The following TDRD7 variants were observed in gnomAD, a reference collection of about 807,000 sequenced individuals.
TDRD7 encodes the protein tudor domain-containing protein 7.
Under a neutral mutation model 109.8 loss-of-function variants are expected in TDRD7, and 47 were observed. The ratio of observed to expected loss-of-function variants is 0.43; its 90% CI spans 0.34 to 0.55. The LOEUF (loss-of-function observed/expected upper bound fraction) is 0.55. TDRD7 is among the 20% of genes least tolerant of loss of function. The pLI is 0.03. For missense variants in TDRD7, 1,164 were observed against 1,319.2 expected, an observed-to-expected ratio of 0.88 and a Z score of 1.82; for synonymous variants, 424 against 457.3, an observed-to-expected ratio of 0.93 and a Z score of 0.93.
chr9:97,457,149 A>G (rs964497105), intron 6 of TDRD7, among the ~76,000 whole-genome samples: 2 of 152,198 alleles, frequency 1.3e-5, no homozygotes, highest in African/African-American at 2.4e-5. Context: ...CAGAATGGCA[A>G]TTATTAAAAA....
intron 16 of TDRD7, among the ~76,000 whole-genome samples, chr9:97,490,310 G>C (rs933773246): frequency 7.9e-5 from 12 of 151,978 alleles, no homozygotes; most frequent in African/African-American, 2.7e-4. Context: ...CTTTACTTTT[G>C]AAGGATAATT....
Position 97,460,621 on chromosome 9 carries a change from G to A in TDRD7, c.1299G>A (p.Glu433=), listed in dbSNP as rs376371748. ...ATATCAAGGCTATGGTTGAACAAGA[G>A]TATTTGCAGGTAGAAGAAAGCATTG... ...DNDIKAMVEQ[E]YLQVEESIAE... is the part of the protein sequence containing the mutation. The change falls in exon 7 of 17, where the codon GAG becomes GAA. Residue 433 remains glutamate, a synonymous_variant. Transcript: ENST00000355295. The A allele has an allele frequency of 1.9e-5, 31 of 1,614,188 alleles. No individual in the cohort carries two copies. Among genetic ancestry groups the A allele is most frequent in the Middle Eastern group, 1.6e-4 (1 of 6,062 alleles).
In TDRD7 at chr9:97,482,861, G is replaced by A. The variant is rs777233715; in HGVS notation, c.2425G>A (p.Asp809Asn). Reference sequence around the variant, plus strand: ...GTGTTTTCCAAAGGTTACAAAAGTGGATGAAACCAGAGGGATCGCACATGT... The same window carrying A: ...GTGTTTTCCAAAGGTTACAAAAGTGAATGAAACCAGAGGGATCGCACATGT... ...SDCSIKVTKVDETRGIAHVYL... is the reference protein window; with the variant it reads ...SDCSIKVTKVNETRGIAHVYL... The change falls in exon 15 of 17, where the codon GAT becomes AAT. Residue 809 changes from aspartate (D) to asparagine (N), a missense_variant. Around this residue, in one of 5 missense-constraint regions of TDRD7, gnomAD observed 233 missense variants for 218.0 expected, o/e 1.07. Transcript: ENST00000355295. 4.3e-6 allele frequency: 7 copies of A among 1,614,012 alleles called. No individual in the cohort carries two copies. Among genetic ancestry groups the A allele is most frequent in the Admixed American group, 1.7e-5 (1 of 60,004 alleles).
At chr9:97,454,149 A>C (rs1828558894) in intron 6 of TDRD7, among the ~76,000 whole-genome samples, 1 of 152,220 alleles carries the variant, frequency 6.6e-6, no homozygotes, top group African/African-American at 2.4e-5. Context: ...TTTGGAAGTA[A>C]AATGCTCCTC....
intron 4 of TDRD7, among the ~76,000 whole-genome samples, chr9:97,434,515 G>C (rs1323647397): frequency 1.3e-5 from 2 of 152,148 alleles, no homozygotes; most frequent in Non-Finnish European, 2.9e-5. Context: ...AAATAAGCAT[G>C]TGAAGTAATG....
chr9:97,439,288 C>A lies in TDRD7; in HGVS notation c.607C>A (p.Leu203Ile). Reference sequence around the variant, plus strand: ...CCTTCAACCACCTTTGCAGATGCATCTCTCAAGAACCTCTACTAAGGAAAT... The same window carrying A: ...CCTTCAACCACCTTTGCAGATGCATATCTCAAGAACCTCTACTAAGGAAAT... Reference protein sequence around the residue: ...ASLQPPLQMHLSRTSTKEMSD... With the variant: ...ASLQPPLQMHISRTSTKEMSD... Residue 203 changes from leucine (L) to isoleucine (I), a missense_variant, in exon 5 of 17, where the codon CTC becomes ATC. By Grantham distance (5) the Leu-to-Ile change is conservative. This residue lies in a region of TDRD7 where 407 missense variants were observed against 394.0 expected (regional missense o/e 1.03). Transcript: ENST00000355295. 6.2e-7 allele frequency: 1 copy of A among 1,602,744 alleles called. No homozygotes were observed.
chr9:97,433,438 A>T (rs1411143201), intron 4 of TDRD7, among the ~76,000 whole-genome samples: 1 of 152,088 alleles, frequency 6.6e-6, no homozygotes, highest in Admixed American at 6.6e-5. Context: ...TTGTGTGCCT[A>T]CATTTCAGCA....
chr9:97,429,425 G>C (rs1475393546), intron 2 of TDRD7, among the ~76,000 whole-genome samples: 1 of 152,108 alleles, frequency 6.6e-6, no homozygotes, highest in Non-Finnish European at 1.5e-5. Flanking sequence ...ATGGTTTCCT[G>C]GGTATGTTTC....
At position 97,472,368 on chromosome 9, in the gene TDRD7, T is replaced by G. The variant is rs1828934445; in HGVS notation, c.1817T>G (p.Val606Gly). The G allele has an allele frequency of 6.2e-7, 1 of 1,613,858 alleles. No homozygotes were observed. Among genetic ancestry groups the G allele is most frequent in the Non-Finnish European group, 8.5e-7 (1 of 1,179,908 alleles). Reference sequence around the variant, plus strand: ...TTAACTTGTGGAAAGATCTTTGCAGTGGAAATACTTGACAAAGCTGACATT... The same window carrying G: ...TTAACTTGTGGAAAGATCTTTGCAGGGGAAATACTTGACAAAGCTGACATT... ...ESLTCGKIFA[V>G]EILDKADIPL... The change falls in exon 10 of 17, where the codon GTG becomes GGG. Residue 606 changes from valine to glycine, a missense_variant. Around this residue, in one of 5 missense-constraint regions of TDRD7, gnomAD observed 261 missense variants for 336.2 expected, o/e 0.78. Transcript: ENST00000355295.
At chr9:97,471,671 T>C (rs1213110243) in intron 9 of TDRD7, among the ~76,000 whole-genome samples, 2 of 152,200 alleles carry the variant, frequency 1.3e-5, no homozygotes, top group Admixed American at 6.5e-5. Context: ...TTTAATTCAT[T>C]TAATACATTA....
At chr9:97,429,097 C>T (rs979091649) in intron 2 of TDRD7, among the ~76,000 whole-genome samples, 1 of 152,172 alleles carries the variant, frequency 6.6e-6, no homozygotes, top group Non-Finnish European at 1.5e-5. Context: ...TGGACCTAGT[C>T]AGTCCAGAGC....
intron 16 of TDRD7, among the ~76,000 whole-genome samples, chr9:97,488,602 G>A (rs77580161): frequency 0.01 from 1,521 of 148,510 alleles, 34 homozygotes; most frequent in African/African-American, 0.036. Context: ...TAATGCTCAG[G>A]TTTTCCTAAC....
At chr9:97,478,625 A>G (rs367727785) in intron 13 of TDRD7, 52 bp downstream of exon 13, 3 of 1,609,854 alleles carry the variant, frequency 1.9e-6, no homozygotes, top group Non-Finnish European at 2.5e-6. Flanking sequence ...GGATGTGTTC[A>G]TAATCTTATT....
At chr9:97,491,473 G>A (rs1462715407) in intron 16 of TDRD7, among the ~76,000 whole-genome samples, 1 of 152,156 alleles carries the variant, frequency 6.6e-6, no homozygotes, top group Non-Finnish European at 1.5e-5. Flanking sequence ...GTTGAAAGGT[G>A]GACATGATAC....
intron 16 of TDRD7, among the ~76,000 whole-genome samples, chr9:97,494,941 G>C (rs938817933): frequency 6.6e-6 from 1 of 152,012 alleles, no homozygotes; most frequent in Non-Finnish European, 1.5e-5. Flanking sequence ...GAACTCCTGA[G>C]CTCAAGATAC....
intron 2 of TDRD7, among the ~76,000 whole-genome samples, chr9:97,429,457 C>T (rs1828063377): frequency 6.6e-6 from 1 of 152,118 alleles, no homozygotes; most frequent in Non-Finnish European, 1.5e-5. Context: ...ATATGTGGAT[C>T]AGGTCTGGAG....
At chr9:97,414,410 A>G (rs1484510435) in intron 1 of TDRD7, among the ~76,000 whole-genome samples, 1 of 152,230 alleles carries the variant, frequency 6.6e-6, no homozygotes, top group Non-Finnish European at 1.5e-5. Context: ...TTTTCATTAC[A>G]TATTTGGACC....
intron 6 of TDRD7, among the ~76,000 whole-genome samples, chr9:97,456,232 G>A (rs1828606574): frequency 6.6e-6 from 1 of 152,156 alleles, no homozygotes; most frequent in South Asian, 2.1e-4. Flanking sequence ...TCAATATCAT[G>A]AAAATGGCCA....
intron 16 of TDRD7, among the ~76,000 whole-genome samples, chr9:97,494,019 C>T (rs1829349995): frequency 6.7e-6 from 1 of 149,384 alleles, no homozygotes; most frequent in Non-Finnish European, 1.5e-5. Context: ...ATCACAGGGT[C>T]CCTGAGGTGA....
Sources: allele counts gnomAD v4.1 joint callset (sites outside exome capture counted in the v4.1 genomes callset), GRCh38; gene constraint gnomAD v4.1.1; regional missense constraint gnomAD v4.1.1; transcripts MANE v1.5; gene names NCBI Gene and HGNC (gene_info 2026-07-23, HGNC 2026-07-21).